Variants in DLGAP4 observed in about 807,000 individuals in gnomAD.
The protein encoded by DLGAP4 is disks large-associated protein 4.
A neutral mutation model predicts 86.9 loss-of-function variants in DLGAP4; 18 were observed. The observed-to-expected ratio is 0.21, with a 90% CI of 0.14 to 0.31. The LOEUF is 0.31. Ranked by LOEUF, DLGAP4 falls within the 10% of genes least tolerant of loss-of-function variation. The probability of loss-of-function intolerance (pLI) is 1.00; values close to 1 mark genes in which losing one functional copy is unlikely to be tolerated. For synonymous variants in DLGAP4, 548 were observed against 574.3 expected (o/e 0.95, Z 0.65); for missense variants, 1,085 against 1,362.6 (o/e 0.80, Z 3.21).
At chr20:36,450,040 A>T (rs1272733388) in intron 7 of DLGAP4, among the ~76,000 whole-genome samples, 1 of 152,240 alleles carries the variant, frequency 6.6e-6, no homozygotes, top group African/African-American at 2.4e-5. Flanking sequence ...CTAACCAAAC[A>T]AGCACATTTC....
intron 1 of DLGAP4, among the ~76,000 whole-genome samples, chr20:36,334,767 G>A (rs1291190653): frequency 3.3e-5 from 5 of 152,102 alleles, no homozygotes; most frequent in Non-Finnish European, 7.4e-5. Context: ...TGGAGACACG[G>A]CAGCTAAGGC....
chr20:36,501,064 C>CT (rs11480703), intron 10 of DLGAP4, among the ~76,000 whole-genome samples: 19,874 of 138,082 alleles, frequency 0.14, 2,357 homozygotes, highest in African/African-American at 0.33. Context: ...CCTTCAACAA[C>CT]TTTTTTTTTT....
At chr20:36,449,752 G>A (rs2033687410) in intron 7 of DLGAP4, among the ~76,000 whole-genome samples, 1 of 152,202 alleles carries the variant, frequency 6.6e-6, no homozygotes, top group Non-Finnish European at 1.5e-5. Context: ...ACTCATGAAT[G>A]GACTAAAGAT....
intron 1 of DLGAP4, among the ~76,000 whole-genome samples, chr20:36,344,304 G>A (rs899650527): frequency 6.6e-5 from 10 of 152,122 alleles, no homozygotes; most frequent in East Asian, 1.9e-4. Context: ...TACTTTACCC[G>A]ACTGCTGGGA....
intron 10 of DLGAP4, among the ~76,000 whole-genome samples, chr20:36,517,410 G>A (rs1016880552): frequency 6.6e-6 from 1 of 152,034 alleles, no homozygotes; most frequent in African/African-American, 2.4e-5. Context: ...TGGACTACAG[G>A]CATGTGCCAC....
intron 2 of DLGAP4, among the ~76,000 whole-genome samples, chr20:36,377,313 G>A (rs2031195523): frequency 6.6e-6 from 1 of 152,210 alleles, no homozygotes; most frequent in Non-Finnish European, 1.5e-5. Context: ...TGATTCAGCT[G>A]ATGATCTGGA....
At chr20:36,458,738 A>G (rs1324332854) in intron 7 of DLGAP4, among the ~76,000 whole-genome samples, 1 of 152,056 alleles carries the variant, frequency 6.6e-6, no homozygotes, top group Non-Finnish European at 1.5e-5. Context: ...AAGACTACTC[A>G]GGGGGCTGCA....
At chr20:36,497,323 T>TA in intron 8 of DLGAP4, 1 of 1,348,742 alleles carries the variant, frequency 7.4e-7, no homozygotes, top group Non-Finnish European at 9.5e-7. Flanking sequence ...TGAATGTAGT[T>TA]ACACTCAGCC....
intron 10 of DLGAP4, among the ~76,000 whole-genome samples, chr20:36,516,998 C>G (rs531815394): frequency 3.0e-4 from 45 of 151,942 alleles, no homozygotes; most frequent in Non-Finnish European, 3.2e-4. Flanking sequence ...TCACGCCTGA[C>G]CTCGTGATCC....
At chr20:36,403,909 C>T (rs1452009327) in intron 2 of DLGAP4, among the ~76,000 whole-genome samples, 2 of 152,234 alleles carry the variant, frequency 1.3e-5, no homozygotes, top group Non-Finnish European at 2.9e-5. Flanking sequence ...CATAGGGCTG[C>T]TTGAGTGCCT....
chr20:36,461,986 G>T, intron 7 of DLGAP4: 2 of 984,670 alleles, frequency 2.0e-6, no homozygotes, highest in Non-Finnish European at 2.4e-6. Context: ...CCCTCAGAGC[G>T]CCCCCAGATC....
At chr20:36,511,843 C>T (rs532628799) in intron 10 of DLGAP4, among the ~76,000 whole-genome samples, 2 of 148,912 alleles carry the variant, frequency 1.3e-5, no homozygotes, top group Admixed American at 6.7e-5. Context: ...CCACCGCGCT[C>T]CAGCCTGGGC....
chr20:36,323,222 C>T (rs928642303), intron 1 of DLGAP4, among the ~76,000 whole-genome samples: 33 of 145,622 alleles, frequency 2.3e-4, no homozygotes, highest in African/African-American at 8.3e-4. Context: ...ATATCTCCAG[C>T]TATACCAAAA....
intron 2 of DLGAP4, among the ~76,000 whole-genome samples, chr20:36,369,760 T>C (rs771502339): frequency 1.3e-5 from 2 of 152,208 alleles, no homozygotes; most frequent in Non-Finnish European, 2.9e-5. Flanking sequence ...TTTTGTTTTG[T>C]GCACTTTACT....
At chr20:36,519,427 T>A (rs577357014) in intron 10 of DLGAP4, among the ~76,000 whole-genome samples, 1 of 152,202 alleles carries the variant, frequency 6.6e-6, no homozygotes, top group East Asian at 1.9e-4. Context: ...GTTTTCTGTC[T>A]GTGTGCGTGC....
intron 1 of DLGAP4, among the ~76,000 whole-genome samples, chr20:36,332,712 G>A (rs1270167048): frequency 6.6e-6 from 1 of 152,036 alleles, no homozygotes; most frequent in Non-Finnish European, 1.5e-5. Flanking sequence ...CCATTTCACA[G>A]GTGAGGAAGT....
At position 36,446,688 on chromosome 20, in the gene DLGAP4, C is replaced by T. The variant is rs368029535; in HGVS notation, c.1408-9C>T. The T allele has an allele frequency of 1.0e-4, 159 of 1,590,672 alleles. No individual in the cohort carries two copies. Among genetic ancestry groups the T allele is most frequent in the Admixed American group, 2.0e-4 (12 of 59,308 alleles). On this transcript the variant is annotated splice_polypyrimidine_tract_variant and intron_variant, in intron 6 of 12. Transcript: ENST00000339266. ...GCCAGCTCCCTCATGCCTGCCTTTG[C>T]CTGGACAGGTACGGGAGGCAGAGCT...
At chr20:36,451,807 C>T (rs1411787322) in intron 7 of DLGAP4, among the ~76,000 whole-genome samples, 4 of 149,222 alleles carry the variant, frequency 2.7e-5, no homozygotes, top group Non-Finnish European at 5.9e-5. Flanking sequence ...GTTGCCCAGG[C>T]TGGAGTGCAA....
rs2036074873 is a variant in DLGAP4, at chr20:36,500,143, G to T, written c.2100-56G>T. The T allele has an allele frequency of 6.7e-7, 1 of 1,494,916 alleles. No homozygotes were observed. Among genetic ancestry groups the T allele is most frequent in the African/African-American group, 1.4e-5 (1 of 71,278 alleles). The allele number at this position is 1,494,916 out of a possible 1,614,324, so 92.6% of individuals were successfully genotyped here. A position where few individuals can be genotyped will look rare whatever the true frequency, so the allele number is the denominator to read the frequency against. On this transcript the variant is annotated intron_variant, in intron 9 of 12. Transcript: ENST00000339266. This position sits in a 1 kb window ranked among gnomAD's most constrained non-coding sequence, Gnocchi z 4.6. ...GGGTCAAGGCGGCCTCTGGTCTCTG[G>T]CCCTCTTGGTGACTCACTCCTTCCT... is the stretch of plus-strand genomic sequence containing the variant.
Sources: gnomAD v4.1 joint callset for allele counts (sites outside exome capture counted in the v4.1 genomes callset) on GRCh38, gnomAD v4.1.1 for gene constraint, Gnocchi (gnomAD v3.1) non-coding constraint, MANE v1.5 for transcripts, NCBI Gene and HGNC (gene_info 2026-07-23, HGNC 2026-07-21) for gene names.